The following ALDH1A2 variants were observed in gnomAD, a reference collection of about 807,000 sequenced individuals.
The protein encoded by ALDH1A2 is retinal dehydrogenase 2.
ALDH1A2 carries 27 observed loss-of-function variants against 60.3 expected under a neutral mutation model. That is an observed-to-expected ratio of 0.45 (90% CI 0.33 to 0.62). The LOEUF (loss-of-function observed/expected upper bound fraction) is 0.62. Ranked by LOEUF, ALDH1A2 falls within the 20% of genes least tolerant of loss-of-function variation. The pLI is 0.02. For missense variants in ALDH1A2, 581 were observed against 643.8 expected, an observed-to-expected ratio of 0.90 and a Z score of 1.06; for synonymous variants, 289 against 232.4, an observed-to-expected ratio of 1.24 and a Z score of -2.21.
At chr15:58,058,147 A>T (rs1156387747) in intron 1 of ALDH1A2, 5 of 1,344,422 alleles carry the variant, frequency 3.7e-6, no homozygotes, top group Non-Finnish European at 5.1e-6. Flanking sequence ...CCATAAATTC[A>T]TACAGGCATT....
At chr15:57,969,973 C>T (rs920952052) in intron 7 of ALDH1A2, among the ~76,000 whole-genome samples, 3 of 152,196 alleles carry the variant, frequency 2.0e-5, no homozygotes, top group African/African-American at 7.2e-5. Context: ...CACTTCTCCT[C>T]CTGGGTCTCA....
intron 7 of ALDH1A2, among the ~76,000 whole-genome samples, chr15:57,966,081 A>G (rs985137823): frequency 6.6e-6 from 1 of 152,230 alleles, no homozygotes; most frequent in South Asian, 2.1e-4. Context: ...TAAATCTGGA[A>G]TCTTAATCAC....
intron 7 of ALDH1A2, among the ~76,000 whole-genome samples, chr15:57,971,274 C>T (rs913420481): frequency 2.0e-5 from 3 of 152,126 alleles, no homozygotes; most frequent in African/African-American, 7.2e-5. Context: ...AACTCTTTCA[C>T]CTCCTCTGAG....
At chr15:58,004,124 G>C (rs1003049470) in intron 4 of ALDH1A2, among the ~76,000 whole-genome samples, 8 of 151,862 alleles carry the variant, frequency 5.3e-5, no homozygotes, top group Admixed American at 2.0e-4. Context: ...AAGTGGTCAT[G>C]AGATAACCCT....
chr15:58,055,207 C>T (rs1896867174), intron 1 of ALDH1A2, among the ~76,000 whole-genome samples: 1 of 152,040 alleles, frequency 6.6e-6, no homozygotes, highest in Admixed American at 6.6e-5. Context: ...AAAAAACTAA[C>T]TTTAATATGC....
In ALDH1A2 at chr15:57,955,241, C is replaced by CTGAG. The variant is rs1308632145; in HGVS notation, c.1509_1512dup (p.Glu505LeufsTer4). 1.2e-6 allele frequency: 2 copies of CTGAG among 1,614,114 alleles called. No individual in the cohort carries two copies. Among genetic ancestry groups the CTGAG allele is most frequent in the Non-Finnish European group, 1.7e-6 (2 of 1,180,014 alleles). Reference sequence around the variant, plus strand: ...ATCTTTACTGTCACCGTCTTAACTTCTGAGTACTCCCGCAAGCCAAATTCT... The same window carrying CTGAG: ...ATCTTTACTGTCACCGTCTTAACTTCTGAGTGAGTACTCCCGCAAGCCAAATTCT... On this transcript the variant is annotated frameshift_variant, in exon 13 of 13. Coordinates refer to ENST00000249750, the MANE Select transcript of ALDH1A2 (RefSeq NM_003888.4). LOFTEE classifies it high-confidence loss of function.
At chr15:57,999,937 C>G (rs1895204388) in intron 4 of ALDH1A2, among the ~76,000 whole-genome samples, 1 of 151,834 alleles carries the variant, frequency 6.6e-6, no homozygotes. Flanking sequence ...AGCTGGAAGC[C>G]ATTAACACAG....
chr15:58,033,850 A>ATTT (rs71297621), intron 1 of ALDH1A2, among the ~76,000 whole-genome samples: 58,045 of 145,852 alleles, frequency 0.4, 12,206 homozygotes, highest in Non-Finnish European at 0.49. Context: ...ATTTTTCTGT[A>ATTT]TTTTTTTTTT....
intron 7 of ALDH1A2, among the ~76,000 whole-genome samples, chr15:57,986,019 C>T (rs1369281971): frequency 2.0e-5 from 3 of 152,126 alleles, no homozygotes; most frequent in African/African-American, 7.2e-5. Context: ...ACCTCATTAA[C>T]TGTAAAGGTG....
chr15:57,962,963 G>C (rs748960271), intron 9 of ALDH1A2, among the ~76,000 whole-genome samples: 2 of 152,138 alleles, frequency 1.3e-5, no homozygotes, highest in Non-Finnish European at 2.9e-5. Context: ...TGATTACGGT[G>C]AACCTGCAGA....
intron 3 of ALDH1A2, among the ~76,000 whole-genome samples, chr15:58,013,022 G>T (rs1320094039): frequency 6.6e-6 from 1 of 152,148 alleles, no homozygotes; most frequent in African/African-American, 2.4e-5. Flanking sequence ...TTTAAAAACA[G>T]CAACAACAAC....
chr15:57,964,225 C>T (rs1378997121), intron 8 of ALDH1A2, 156 bp from the exon 9 acceptor site: 2 of 702,312 alleles, frequency 2.8e-6, no homozygotes, highest in Non-Finnish European at 4.8e-6. Flanking sequence ...CTAGTTCTAA[C>T]TACACCCTGA....
chr15:58,038,319 T>C (rs546867561), intron 1 of ALDH1A2, among the ~76,000 whole-genome samples: 6 of 151,640 alleles, frequency 4.0e-5, no homozygotes, highest in South Asian at 2.1e-4. Context: ...AGGAGTCAAA[T>C]AGCCTTATCC....
chr15:57,963,785 GA>G, intron 9 of ALDH1A2, 99 bp downstream of exon 9: 1 of 1,306,286 alleles, frequency 7.7e-7, no homozygotes, highest in Non-Finnish European at 1.1e-6. Flanking sequence ...GGAGTCAGCC[GA>G]AAAGGAAGAT....
At chr15:57,994,851 G>A (rs1894999566) in intron 5 of ALDH1A2, among the ~76,000 whole-genome samples, 1 of 152,094 alleles carries the variant, frequency 6.6e-6, no homozygotes, top group Non-Finnish European at 1.5e-5. Context: ...TTAATCATGA[G>A]AATTCCATGA....
At chr15:58,030,283 A>G (rs1158499508) in intron 1 of ALDH1A2, among the ~76,000 whole-genome samples, 1 of 152,222 alleles carries the variant, frequency 6.6e-6, no homozygotes, top group African/African-American at 2.4e-5. Flanking sequence ...AACCAAGGAC[A>G]AAAACCACAT....
intron 1 of ALDH1A2, among the ~76,000 whole-genome samples, chr15:58,021,728 C>T (rs2140527757): frequency 6.6e-6 from 1 of 152,388 alleles, no homozygotes; most frequent in South Asian, 2.1e-4. Context: ...ATTAAGGAAA[C>T]TCAGGCTATT....
intron 4 of ALDH1A2, among the ~76,000 whole-genome samples, chr15:58,002,538 G>A (rs1895308925): frequency 6.6e-6 from 1 of 151,886 alleles, no homozygotes; most frequent in African/African-American, 2.4e-5. Context: ...ATAAACTAGA[G>A]TGAGTATGAC....
intron 1 of ALDH1A2, among the ~76,000 whole-genome samples, chr15:58,041,260 A>T (rs1348565547): frequency 6.6e-6 from 1 of 151,880 alleles, no homozygotes; most frequent in Admixed American, 6.6e-5. Flanking sequence ...AAAAAATAAC[A>T]CTGTGTTTTC....
Sources: allele counts gnomAD v4.1 joint callset (sites outside exome capture counted in the v4.1 genomes callset), GRCh38; gene constraint gnomAD v4.1.1; transcripts MANE v1.5; gene names NCBI Gene and HGNC (gene_info 2026-07-23, HGNC 2026-07-21).